HEMK2: variants seen among roughly 807,000 people sequenced by gnomAD.
The protein encoded by HEMK2 is HemK methyltransferase 2, ETF1 glutamine and histone H4 lysine, also known as methyltransferase HEMK2.
At chr21:28,885,155 C>A in the HEMK2 span, 1 of 1,482,566 alleles carries the variant, frequency 6.7e-7, no homozygotes, top group African/African-American at 1.4e-5. Context: ...CCTCCTCCAC[C>A]GCACTTCTTC....
chr21:28,797,263 G>A, the HEMK2 span, among the ~76,000 whole-genome samples: 1,855 of 152,246 alleles, frequency 0.012, 16 homozygotes, highest in Non-Finnish European at 0.021. Context: ...GGAAATGAGT[G>A]AACCCAGTGA....
chr21:28,781,930 G>T, the HEMK2 span, among the ~76,000 whole-genome samples: 1 of 152,202 alleles, frequency 6.6e-6, no homozygotes, highest in Non-Finnish European at 1.5e-5. Flanking sequence ...GGGCTTAGAG[G>T]TTACCTCCAG....
At chr21:28,803,812 T>C in the HEMK2 span, among the ~76,000 whole-genome samples, 2 of 152,234 alleles carry the variant, frequency 1.3e-5, no homozygotes, top group African/African-American at 4.8e-5. Flanking sequence ...TTTCTATTTC[T>C]TGGGTACCCC....
At chr21:28,604,113 A>G in the HEMK2 span, among the ~76,000 whole-genome samples, 2 of 152,350 alleles carry the variant, frequency 1.3e-5, no homozygotes, top group South Asian at 4.1e-4. Flanking sequence ...GAGGCTCCTC[A>G]TTGTCACACA....
At chr21:28,771,654 T>G in the HEMK2 span, among the ~76,000 whole-genome samples, 1 of 152,144 alleles carries the variant, frequency 6.6e-6, no homozygotes, top group African/African-American at 2.4e-5. Context: ...TAATTCTCTG[T>G]GTCCATTTTA....
the HEMK2 span, among the ~76,000 whole-genome samples, chr21:28,715,594 T>C: frequency 6.6e-6 from 1 of 152,234 alleles, no homozygotes; most frequent in Non-Finnish European, 1.5e-5. Context: ...GTAGGTTGTC[T>C]GTTTATTCTG....
chr21:28,782,428 A>G, the HEMK2 span, among the ~76,000 whole-genome samples: 1 of 152,228 alleles, frequency 6.6e-6, no homozygotes, highest in African/African-American at 2.4e-5. Flanking sequence ...AATGCAATAA[A>G]TCCAGTACAT....
chr21:28,664,268 T>C, the HEMK2 span, among the ~76,000 whole-genome samples: 1 of 152,184 alleles, frequency 6.6e-6, no homozygotes, highest in Non-Finnish European at 1.5e-5. Flanking sequence ...AGATTTGTGG[T>C]CTTTGCAAAG....
At chr21:28,810,961 T>A in the HEMK2 span, among the ~76,000 whole-genome samples, 7 of 152,184 alleles carry the variant, frequency 4.6e-5, no homozygotes, top group Non-Finnish European at 8.8e-5. Context: ...GGAGAAGGAA[T>A]CATGTGGCGA....
the HEMK2 span, among the ~76,000 whole-genome samples, chr21:28,633,573 G>A: frequency 1.3e-5 from 2 of 152,094 alleles, no homozygotes; most frequent in African/African-American, 4.8e-5. Context: ...TTTTTTAAAT[G>A]CCAAGTATTT....
At chr21:28,783,500 G>T in the HEMK2 span, among the ~76,000 whole-genome samples, 2 of 152,216 alleles carry the variant, frequency 1.3e-5, no homozygotes, top group Admixed American at 1.3e-4. Context: ...AATATTTTTA[G>T]TATTTTTGTG....
the HEMK2 span, among the ~76,000 whole-genome samples, chr21:28,705,227 C>A: frequency 6.6e-6 from 1 of 151,966 alleles, no homozygotes; most frequent in South Asian, 2.1e-4. Flanking sequence ...TTTTACTGAG[C>A]CCATTCTCTC....
chr21:28,885,290 A>C, the HEMK2 span: 1 of 1,592,388 alleles, frequency 6.3e-7, no homozygotes, highest in Non-Finnish European at 8.6e-7. Flanking sequence ...CACGTCGCTG[A>C]AGGCGCCGCG....
At chr21:28,882,336 T>A in the HEMK2 span, 1 of 1,017,502 alleles carries the variant, frequency 9.8e-7, no homozygotes. Flanking sequence ...TTCCATTAAT[T>A]CTACACAGAA....
chr21:28,652,233 G>C, the HEMK2 span, among the ~76,000 whole-genome samples: 21 of 152,116 alleles, frequency 1.4e-4, no homozygotes, highest in African/African-American at 5.1e-4. Context: ...CTTTCAGAGT[G>C]TTGATTTTAT....
chr21:28,740,841 T>G, the HEMK2 span, among the ~76,000 whole-genome samples: 1 of 152,130 alleles, frequency 6.6e-6, no homozygotes, highest in African/African-American at 2.4e-5. Flanking sequence ...TGGCCTTGAG[T>G]GAACCATATT....
At chr21:28,878,686 A>G in the HEMK2 span, among the ~76,000 whole-genome samples, 1 of 151,856 alleles carries the variant, frequency 6.6e-6, no homozygotes, top group Non-Finnish European at 1.5e-5. Flanking sequence ...AGTTTTGAGA[A>G]CATTGCCCTG....
At chr21:28,706,694 C>G in the HEMK2 span, among the ~76,000 whole-genome samples, 84,635 of 152,000 alleles carry the variant, frequency 0.56, 26,226 homozygotes, top group East Asian at 0.84. Flanking sequence ...GAAAAAGCAA[C>G]GCTTGTACTT....
chr21:28,684,720 C>A, the HEMK2 span, among the ~76,000 whole-genome samples: 1 of 152,174 alleles, frequency 6.6e-6, no homozygotes, highest in African/African-American at 2.4e-5. Context: ...CAATCCCACC[C>A]ATAGTACTTG....
Sources: allele counts gnomAD v4.1 joint callset (sites outside exome capture counted in the v4.1 genomes callset), GRCh38; gene constraint gnomAD v4.1.1; transcripts MANE v1.5; gene names NCBI Gene and HGNC (gene_info 2026-07-23, HGNC 2026-07-21).